DENND2A: variants seen among roughly 807,000 people sequenced by gnomAD.
The protein encoded by DENND2A is DENN domain containing 2A.
Under a neutral mutation model 105.3 loss-of-function variants are expected in DENND2A, and 53 were observed. The observed-to-expected ratio is 0.50, with a 90% CI of 0.40 to 0.63. The LOEUF (loss-of-function observed/expected upper bound fraction) is 0.63, where lower values mean the gene tolerates loss of function less well. DENND2A is among the 30% of genes least tolerant of loss of function. The pLI is 0.00. For synonymous variants in DENND2A, 522 were observed against 508.4 expected, an observed-to-expected ratio of 1.03 and a Z score of -0.36; for missense variants, 1,138 against 1,279.6, an observed-to-expected ratio of 0.89 and a Z score of 1.69.
intron 8 of DENND2A, among the ~76,000 whole-genome samples, chr7:140,568,520 G>C (rs1464061692): frequency 3.3e-5 from 5 of 152,136 alleles, no homozygotes; most frequent in Non-Finnish European, 7.4e-5. Flanking sequence ...GAGAGGCATG[G>C]GAGCAGGGGT....
intron 8 of DENND2A, 21 bp from the exon 9 acceptor site, chr7:140,567,294 G>T: frequency 8.6e-7 from 1 of 1,163,802 alleles, no homozygotes. Flanking sequence ...GAGGGAGAGA[G>T]AAAGAGAGAA....
chr7:140,589,197 C>A (rs887846703), intron 3 of DENND2A, among the ~76,000 whole-genome samples: 1 of 152,122 alleles, frequency 6.6e-6, no homozygotes, highest in African/African-American at 2.4e-5. Context: ...TTATGGAGAG[C>A]ATTTATTTAA....
chr7:140,611,359 C>T (rs1179157963), intron 1 of DENND2A, among the ~76,000 whole-genome samples: 3 of 151,916 alleles, frequency 2.0e-5, no homozygotes, highest in African/African-American at 4.8e-5. Flanking sequence ...TTGCAAGAAC[C>T]CATCTCTACA....
At chr7:140,590,032 A>G (rs563785361) in intron 3 of DENND2A, among the ~76,000 whole-genome samples, 1 of 152,342 alleles carries the variant, frequency 6.6e-6, no homozygotes, top group African/African-American at 2.4e-5. Flanking sequence ...TGCCCTAACA[A>G]CAGAAGATAT....
chr7:140,631,076 A>G (rs1800718346), intron 1 of DENND2A, among the ~76,000 whole-genome samples: 1 of 152,148 alleles, frequency 6.6e-6, no homozygotes. Context: ...CCCATTTTAC[A>G]TCCACCTTGA....
chr7:140,553,885 GT>G (rs1486575418), intron 12 of DENND2A, among the ~76,000 whole-genome samples: 1 of 152,198 alleles, frequency 6.6e-6, no homozygotes, highest in Admixed American at 6.6e-5. Context: ...AGTCTCCTAT[GT>G]CTACTTCTTT....
At chr7:140,604,584 G>A (rs1210912134) in intron 2 of DENND2A, among the ~76,000 whole-genome samples, 1 of 152,242 alleles carries the variant, frequency 6.6e-6, no homozygotes, top group East Asian at 1.9e-4. Context: ...CAGTGCTAGA[G>A]GCAAGATGAA....
At chr7:140,607,252 G>C (rs570541452) in intron 1 of DENND2A, among the ~76,000 whole-genome samples, 1 of 152,292 alleles carries the variant, frequency 6.6e-6, no homozygotes, top group Non-Finnish European at 1.5e-5. Flanking sequence ...TAATCAAAGG[G>C]CAGAACTTCA....
In DENND2A at chr7:140,597,429, T is replaced by C. The variant is rs139975390; in HGVS notation, c.995+3974A>G. Among the ~76,000 whole-genome samples, 14 of 152,340 alleles carry C rather than the reference T, an allele frequency of 9.2e-5. No individual in the cohort carries two copies. In the East Asian group the frequency reaches 2.5e-3, roughly 27 times the overall value. On this transcript the variant is annotated intron_variant, in intron 3 of 19. Coordinates refer to ENST00000496613, the MANE Select transcript of DENND2A (RefSeq NM_015689.5). ...AGAGATAGGACCACAATAAAGAGCA[T>C]ACTTTATTTTTTTAAGAGTAGAAAG...
chr7:140,628,688 C>T (rs1405254119), intron 1 of DENND2A, among the ~76,000 whole-genome samples: 2 of 151,702 alleles, frequency 1.3e-5, no homozygotes, highest in Non-Finnish European at 2.9e-5. Flanking sequence ...TACAGGCATG[C>T]GCCACCACGC....
chr7:140,524,407 T>C (rs1795972294), intron 16 of DENND2A, among the ~76,000 whole-genome samples: 1 of 152,154 alleles, frequency 6.6e-6, no homozygotes, highest in South Asian at 2.1e-4. Context: ...AATATATGAA[T>C]GTACTAAAAC....
intron 1 of DENND2A, among the ~76,000 whole-genome samples, chr7:140,622,001 G>A (rs1198675822): frequency 6.6e-6 from 1 of 152,164 alleles, no homozygotes; most frequent in Non-Finnish European, 1.5e-5. Context: ...CTTTGTAGGG[G>A]TCAAGCAACA....
In DENND2A at chr7:140,585,760, C is replaced by T; in HGVS notation, c.1124-50G>A. 1.9e-6 allele frequency: 3 copies of T among 1,612,158 alleles called. No homozygotes were observed. In the South Asian group the frequency reaches 3.3e-5, roughly 18 times the overall value. On this transcript the variant is annotated intron_variant, in intron 4 of 19. Coordinates refer to ENST00000496613, the MANE Select transcript of DENND2A (RefSeq NM_015689.5). The stretch of plus-strand genomic sequence containing the variant: ...GAACCTGGGAACACTGAGGACATTT[C>T]CCTTTTCAAAACACTGAGGTCAGTA...
chr7:140,525,217 C>G (rs2130461427), intron 16 of DENND2A, among the ~76,000 whole-genome samples: 1 of 144,994 alleles, frequency 6.9e-6, no homozygotes, highest in East Asian at 2.0e-4. Context: ...TGCAGTGGCG[C>G]AATCTCCACT....
At chr7:140,592,185 G>T (rs1340956970) in intron 3 of DENND2A, among the ~76,000 whole-genome samples, 3 of 147,464 alleles carry the variant, frequency 2.0e-5, no homozygotes, top group African/African-American at 7.5e-5. Context: ...GATTACAGGC[G>T]CCTGCCACCA....
At chr7:140,605,925 G>A (rs1188599564) in intron 1 of DENND2A, 119 bp from the exon 2 acceptor site, 3 of 152,208 alleles carry the variant, frequency 2.0e-5, no homozygotes, top group Non-Finnish European at 4.4e-5. Context: ...CCCAGGAGCA[G>A]GGGGTGGAAA....
At chr7:140,541,742 G>A (rs920591228) in intron 14 of DENND2A, among the ~76,000 whole-genome samples, 1 of 152,184 alleles carries the variant, frequency 6.6e-6, no homozygotes, top group African/African-American at 2.4e-5. Flanking sequence ...GAGAGGGCCT[G>A]CTTCCTGAGC....
chr7:140,598,323 A>T (rs574079026), intron 3 of DENND2A, among the ~76,000 whole-genome samples: 2 of 152,336 alleles, frequency 1.3e-5, no homozygotes, highest in South Asian at 4.1e-4. Flanking sequence ...ATGGACACTA[A>T]CTTGATAACA....
In DENND2A at chr7:140,567,304, A is replaced by AAGAGAGAGAGAGAGAG. The variant is rs60964847; in HGVS notation, c.1592-47_1592-32dup. The AAGAGAGAGAGAGAGAG allele has an allele frequency of 8.2e-5, 54 of 659,880 alleles. 1 individual carries two copies. The highest frequency in any genetic ancestry group is 4.6e-4 in the African/African-American group (17 of 36,598). 40.9% of individuals were successfully genotyped at this position (659,880 alleles called of 1,614,324 possible). On this transcript the variant is annotated intron_variant, in intron 8 of 19. Coordinates refer to ENST00000496613, the MANE Select transcript of DENND2A (RefSeq NM_015689.5). ...TGAGGGAGGGAGAGAGAAAGAGAGA[A>AAGAGAGAGAGAGAGAG]AGAGAGAGAGAGAGAGAGAGAGAGA...
Sources: gnomAD v4.1 joint callset for allele counts (sites outside exome capture counted in the v4.1 genomes callset) on GRCh38, gnomAD v4.1.1 for gene constraint, MANE v1.5 for transcripts, NCBI Gene and HGNC (gene_info 2026-07-23, HGNC 2026-07-21) for gene names.